Variants in PEAK1 observed in about 807,000 individuals in gnomAD.
PEAK1 encodes the protein pseudopodium enriched atypical kinase 1.
In PEAK1, 54 loss-of-function variants were observed where a neutral mutation model predicts 124.7. That is an observed-to-expected ratio of 0.43 (90% confidence interval 0.35 to 0.54). The LOEUF is 0.54. PEAK1 is among the 20% of genes least tolerant of loss of function. The pLI, the probability that PEAK1 is intolerant of heterozygous loss-of-function variation, is 0.01. For synonymous variants in PEAK1, 719 were observed against 760.0 expected, an observed-to-expected ratio of 0.95 and a Z score of 0.89; for missense variants, 2,046 against 2,134.5, an observed-to-expected ratio of 0.96 and a Z score of 0.82.
chr15:77,210,113 T>A (rs894432109), intron 6 of PEAK1, among the ~76,000 whole-genome samples: 8 of 152,182 alleles, frequency 5.3e-5, no homozygotes, highest in Admixed American at 5.2e-4. Flanking sequence ...ATAGGATAAC[T>A]AAGTGCTATA....
intron 1 of PEAK1, among the ~76,000 whole-genome samples, chr15:77,382,380 G>A (rs532941791): frequency 6.6e-6 from 1 of 152,196 alleles, no homozygotes; most frequent in African/African-American, 2.4e-5. Flanking sequence ...AGTCTTTAAC[G>A]TTGTCTAATA....
At chr15:77,167,584 G>A (rs2056191359) in intron 7 of PEAK1, among the ~76,000 whole-genome samples, 1 of 152,200 alleles carries the variant, frequency 6.6e-6, no homozygotes, top group African/African-American at 2.4e-5. Context: ...AATAACATGT[G>A]ATCAGGAGAC....
At chr15:77,358,455 C>A (rs1164925562) in intron 2 of PEAK1, among the ~76,000 whole-genome samples, 2 of 152,162 alleles carry the variant, frequency 1.3e-5, no homozygotes, top group African/African-American at 4.8e-5. Context: ...CACTAAAAGA[C>A]CAAACCAAAA....
At chr15:77,242,315 T>C (rs1596818373) in intron 6 of PEAK1, among the ~76,000 whole-genome samples, 1 of 152,102 alleles carries the variant, frequency 6.6e-6, no homozygotes, top group East Asian at 1.9e-4. Flanking sequence ...AGAAAGGTCT[T>C]TCACCTTTTA....
intron 5 of PEAK1, among the ~76,000 whole-genome samples, chr15:77,267,627 T>C (rs1009439970): frequency 1.3e-5 from 2 of 152,108 alleles, no homozygotes; most frequent in African/African-American, 4.8e-5. Flanking sequence ...TCACTGCAGT[T>C]TGGCTCTCAG....
At chr15:77,246,486 G>A (rs948743689) in intron 6 of PEAK1, among the ~76,000 whole-genome samples, 1 of 152,148 alleles carries the variant, frequency 6.6e-6, no homozygotes, top group African/African-American at 2.4e-5. Flanking sequence ...TGGACCTCCA[G>A]CCTGGGTGGC....
chr15:77,103,475 T>G (rs906243118), downstream of PEAK1: 6 of 152,120 alleles, frequency 3.9e-5, no homozygotes, highest in Non-Finnish European at 7.4e-5. Context: ...TGCAGAGTAT[T>G]GTACACAATA....
At chr15:77,225,792 T>C (rs1188407635) in intron 6 of PEAK1, among the ~76,000 whole-genome samples, 1 of 145,546 alleles carries the variant, frequency 6.9e-6, no homozygotes, top group African/African-American at 2.5e-5. Context: ...GTTAATATAC[T>C]CTCTGTTTTT....
intron 6 of PEAK1, among the ~76,000 whole-genome samples, chr15:77,192,997 G>T (rs1185078147): frequency 6.6e-6 from 1 of 152,116 alleles, no homozygotes; most frequent in Non-Finnish European, 1.5e-5. Context: ...ATATTTCACA[G>T]AATGAACATG....
chr15:77,164,456 T>C (rs868172609), intron 7 of PEAK1, among the ~76,000 whole-genome samples: 2 of 152,358 alleles, frequency 1.3e-5, no homozygotes, highest in Non-Finnish European at 2.9e-5. Flanking sequence ...GAATGAACTC[T>C]AATTTTCTGA....
intron 6 of PEAK1, among the ~76,000 whole-genome samples, chr15:77,197,769 G>A (rs2058178154): frequency 1.3e-5 from 2 of 152,108 alleles, no homozygotes; most frequent in African/African-American, 4.8e-5. Flanking sequence ...AATCTAAGTA[G>A]ACCACGACAA....
intron 2 of PEAK1, chr15:77,336,082 A>AT (rs2066181441): frequency 1.0e-6 from 1 of 985,346 alleles, no homozygotes; most frequent in South Asian, 4.7e-5. Flanking sequence ...AAAGACTGCT[A>AT]TGAAAGACTA....
intron 6 of PEAK1, among the ~76,000 whole-genome samples, chr15:77,247,524 T>C (rs2060652935): frequency 7.4e-6 from 1 of 134,696 alleles, no homozygotes; most frequent in African/African-American, 2.8e-5. Flanking sequence ...AGTCTCACTC[T>C]GTCGCCCAGG....
intron 6 of PEAK1, among the ~76,000 whole-genome samples, chr15:77,186,936 G>A (rs1241085577): frequency 1.3e-5 from 2 of 152,130 alleles, no homozygotes; most frequent in Non-Finnish European, 2.9e-5. Context: ...CAACACCAAC[G>A]CTCCCCAAAT....
At chr15:77,291,939 T>C (rs1221210199) in intron 2 of PEAK1, among the ~76,000 whole-genome samples, 6 of 143,066 alleles carry the variant, frequency 4.2e-5, no homozygotes, top group African/African-American at 1.3e-4. Flanking sequence ...ATTGTGCCAC[T>C]GCACTTCAGC....
intron 2 of PEAK1, among the ~76,000 whole-genome samples, chr15:77,315,991 T>C (rs1398407762): frequency 6.6e-6 from 1 of 152,100 alleles, no homozygotes; most frequent in Non-Finnish European, 1.5e-5. Flanking sequence ...AAATGCACCA[T>C]AAGATGTTAA....
chr15:77,412,843 A>C (rs1193729369), intron 1 of PEAK1, among the ~76,000 whole-genome samples: 1 of 152,200 alleles, frequency 6.6e-6, no homozygotes, highest in East Asian at 1.9e-4. Context: ...AGAAGTGTGC[A>C]TGTACATACG....
chr15:77,356,243 G>C (rs1335610842), intron 2 of PEAK1, among the ~76,000 whole-genome samples: 1 of 152,026 alleles, frequency 6.6e-6, no homozygotes, highest in African/African-American at 2.4e-5. Context: ...TTTAAGAGCT[G>C]AGTATTTTAT....
At chr15:77,344,679 T>C (rs767385931) in intron 2 of PEAK1, among the ~76,000 whole-genome samples, 20 of 152,236 alleles carry the variant, frequency 1.3e-4, no homozygotes, top group Non-Finnish European at 2.8e-4. Context: ...AACAGTGTCT[T>C]CCAACCCATG....
Sources: allele counts gnomAD v4.1 joint callset (sites outside exome capture counted in the v4.1 genomes callset), GRCh38; gene constraint gnomAD v4.1.1; transcripts MANE v1.5; gene names NCBI Gene and HGNC (gene_info 2026-07-23, HGNC 2026-07-21).